The following KCTD7 variants were observed in gnomAD, a reference collection of about 807,000 sequenced individuals.
KCTD7 encodes the protein potassium channel tetramerization domain containing 7.
A neutral mutation model predicts 27.0 loss-of-function variants in KCTD7; 15 were observed. The ratio of observed to expected loss-of-function variants is 0.56; its 90% CI spans 0.37 to 0.86. The LOEUF (loss-of-function observed/expected upper bound fraction) is 0.86, where lower values mean the gene tolerates loss of function less well. KCTD7 is among the 40% of genes least tolerant of loss of function. The pLI, the probability that KCTD7 is intolerant of heterozygous loss-of-function variation, is 0.00. For missense variants in KCTD7, 299 were observed against 398.9 expected, an observed-to-expected ratio of 0.75 and a Z score of 2.13; for synonymous variants, 159 against 162.7, an observed-to-expected ratio of 0.98 and a Z score of 0.17.
At position 66,640,003 on chromosome 7, in the gene KCTD7, C is replaced by T; in HGVS notation, c.*771C>T. ...GCTGGAATGCAAATTTCAGAGGCTT[C>T]TTTTGAAGATTCCCCAAGTCAAGCA... On this transcript the variant is annotated 3_prime_UTR_variant, in exon 4 of 4. Transcript: ENST00000639828. 7.9e-7 allele frequency: 1 copy of T among 1,258,060 alleles called. No homozygotes were observed. Among genetic ancestry groups the T allele is most frequent in the Non-Finnish European group, 1.0e-6 (1 of 1,004,826 alleles). The allele number at this position is 1,258,060 out of a possible 1,614,324, so 77.9% of individuals were successfully genotyped here. A position where few individuals can be genotyped will look rare whatever the true frequency, so the allele number is the denominator to read the frequency against.
chr7:66,642,858 C>G lies in KCTD7; in HGVS notation c.*3626C>G, dbSNP rs1014023964. Reference sequence around the variant, plus strand: ...AGGGGTTGAGGGAGGTGGGAACAAACAGTGAGTATGGGAACAGGCAGTCAC... The same window carrying G: ...AGGGGTTGAGGGAGGTGGGAACAAAGAGTGAGTATGGGAACAGGCAGTCAC... On this transcript the variant is annotated 3_prime_UTR_variant, in exon 4 of 4. Coordinates refer to ENST00000639828, the MANE Select transcript of KCTD7 (RefSeq NM_153033.5). The G allele has an allele frequency of 1.2e-5, 12 of 985,240 alleles. No individual in the cohort carries two copies. The African/African-American group carries it at 1.9e-4, about 16-fold the overall frequency. 61.0% of individuals were successfully genotyped at this position (985,240 alleles called of 1,614,324 possible).
chr7:66,636,072 C>T (rs1786577907), intron 2 of KCTD7, among the ~76,000 whole-genome samples: 1 of 152,272 alleles, frequency 6.6e-6, no homozygotes, highest in Non-Finnish European at 1.5e-5. Flanking sequence ...GGCTGATGAG[C>T]TCCTGTGACC....
At position 66,638,359 on chromosome 7, in the gene KCTD7, C is replaced by CTGG. The variant is rs747385800; in HGVS notation, c.422_424dup (p.Leu141_Glu142insVal). On this transcript the variant is annotated inframe_insertion, in exon 3 of 4. Coordinates refer to ENST00000639828, the MANE Select transcript of KCTD7 (RefSeq NM_153033.5). ...TGCCATCGGGCCCCTCCTGGAGCAG[C>CTGG]TGGAGAACATGCAGCCACTGAAGGG... 29 of 1,614,240 alleles carry CTGG rather than the reference C, an allele frequency of 1.8e-5. No homozygotes were observed. The highest frequency in any genetic ancestry group is 2.5e-5 in the Non-Finnish European group (29 of 1,180,044).
chr7:66,641,017 C>A lies in KCTD7; in HGVS notation c.*1785C>A. 1.0e-6 allele frequency: 1 copy of A among 985,396 alleles called. No individual in the cohort carries two copies. The highest frequency in any genetic ancestry group is 1.2e-6 in the Non-Finnish European group (1 of 829,962). The allele number at this position is 985,396 out of a possible 1,614,324, so 61.0% of individuals were successfully genotyped here. A position where few individuals can be genotyped will look rare whatever the true frequency, so the allele number is the denominator to read the frequency against. On this transcript the variant is annotated 3_prime_UTR_variant, in exon 4 of 4. Transcript: ENST00000639828. ...CTGGACGGCAGTGATCTCCTGTTCC[C>A]TATGTGTAAACAAAGATTCCAGGGC...
intron 2 of KCTD7, among the ~76,000 whole-genome samples, chr7:66,636,047 C>T (rs1342180526): frequency 2.6e-5 from 4 of 152,216 alleles, no homozygotes; most frequent in African/African-American, 4.8e-5. Flanking sequence ...CAGGAGATGG[C>T]GACATTCTTA....
intron 1 of KCTD7, among the ~76,000 whole-genome samples, chr7:66,629,906 C>A (rs1786408960): frequency 6.6e-6 from 1 of 152,170 alleles, no homozygotes; most frequent in Non-Finnish European, 1.5e-5. Flanking sequence ...TGCTCTGGTG[C>A]ACAGGGGCTT....
chr7:66,640,835 A>T lies in KCTD7; in HGVS notation c.*1603A>T. 1 of 944,848 alleles carries T rather than the reference A, an allele frequency of 1.1e-6. No homozygotes were observed. The highest frequency in any genetic ancestry group is 1.3e-6 in the Non-Finnish European group (1 of 792,694). 58.5% of individuals were successfully genotyped at this position (944,848 alleles called of 1,614,324 possible). On this transcript the variant is annotated 3_prime_UTR_variant, in exon 4 of 4. Coordinates refer to ENST00000639828, the MANE Select transcript of KCTD7 (RefSeq NM_153033.5). ...CAGCCTGGGCAACACCATCGTAAAA[A>T]TAAATAAATAAATAAATAAATTGGG...
chr7:66,629,496 C>G (rs1786398459), intron 1 of KCTD7, among the ~76,000 whole-genome samples: 1 of 151,960 alleles, frequency 6.6e-6, no homozygotes, highest in South Asian at 2.1e-4. Context: ...CCACTTTTAC[C>G]GAAGACAGGA....
Position 66,640,390 on chromosome 7 carries a change from T to G in KCTD7, c.*1158T>G. 6.5e-7 allele frequency: 1 copy of G among 1,537,314 alleles called. No individual in the cohort carries two copies. Among genetic ancestry groups the G allele is most frequent in the South Asian group, 1.2e-5 (1 of 84,054 alleles). ...ATTTTGGTTTACTTACTCCTCTATT[T>G]CAGAAATTGAAAAAGATCCCCAAGG... On this transcript the variant is annotated 3_prime_UTR_variant, in exon 4 of 4. Transcript: ENST00000639828.
At chr7:66,638,791 G>C in intron 3 of KCTD7, 65 bp from the exon 4 acceptor site, 1 of 1,592,396 alleles carries the variant, frequency 6.3e-7, no homozygotes, top group Non-Finnish European at 8.6e-7. Context: ...CTGTTTCTCT[G>C]TGCATCTCTG....
intron 1 of KCTD7, among the ~76,000 whole-genome samples, chr7:66,631,376 T>G (rs1786437279): frequency 6.6e-6 from 1 of 152,024 alleles, no homozygotes; most frequent in South Asian, 2.1e-4. Flanking sequence ...TGAGACCAGC[T>G]TGGCCAACAT....
At chr7:66,633,072 A>G (rs1384307805) in intron 1 of KCTD7, among the ~76,000 whole-genome samples, 2 of 151,800 alleles carry the variant, frequency 1.3e-5, no homozygotes, top group Non-Finnish European at 2.9e-5. Context: ...AAAAAGAGCT[A>G]TGAGGGTTAG....
intron 3 of KCTD7, chr7:66,638,643 G>T (rs1399102029): frequency 2.6e-6 from 2 of 774,546 alleles, no homozygotes; most frequent in Admixed American, 5.3e-5. Flanking sequence ...TATTTCAGAA[G>T]GACAGCCCTC....
intron 2 of KCTD7, among the ~76,000 whole-genome samples, chr7:66,633,929 A>C (rs1379693601): frequency 1.3e-5 from 2 of 152,076 alleles, no homozygotes; most frequent in East Asian, 3.9e-4. Context: ...CAGAGGTTGC[A>C]GTGACCCGAG....
intron 2 of KCTD7, among the ~76,000 whole-genome samples, chr7:66,636,870 G>T (rs1423167605): frequency 6.6e-6 from 1 of 152,202 alleles, no homozygotes; most frequent in Non-Finnish European, 1.5e-5. Context: ...CCTGAAACCA[G>T]TTTGTTCAGA....
intron 1 of KCTD7, among the ~76,000 whole-genome samples, 176 bp from the exon 2 acceptor site, chr7:66,633,099 C>T (rs1261137027): frequency 1.3e-5 from 2 of 151,038 alleles, no homozygotes; most frequent in Admixed American, 1.3e-4. Context: ...TAGGACTTGG[C>T]AGATGATGAG....
rs1349858327 is a variant in KCTD7, at chr7:66,639,508, A to C, written c.*276A>C. ...TAGTCTTTCCTTGAGGCTGATAGCT[A>C]GGGCTTGACCAGGAAGTCCCGAGAA... On this transcript the variant is annotated 3_prime_UTR_variant, in exon 4 of 4. Transcript: ENST00000639828. 10 of 1,398,404 alleles carry C rather than the reference A, an allele frequency of 7.2e-6. No homozygotes were observed. The Admixed American group carries it at 2.9e-4, about 41-fold the overall frequency. The allele number at this position is 1,398,404 out of a possible 1,614,324, so 86.6% of individuals were successfully genotyped here.
At chr7:66,638,676 G>T in intron 3 of KCTD7, 180 bp from the exon 4 acceptor site, 1 of 819,136 alleles carries the variant, frequency 1.2e-6, no homozygotes, top group Non-Finnish European at 1.9e-6. Context: ...TCCCTTTGCT[G>T]TGGAGAACCG....
chr7:66,630,424 A>C (rs1402680221), intron 1 of KCTD7, among the ~76,000 whole-genome samples: 3 of 152,182 alleles, frequency 2.0e-5, no homozygotes, highest in Non-Finnish European at 4.4e-5. Flanking sequence ...CCATCTCTAC[A>C]AATAAAAAAT....
Sources: allele counts gnomAD v4.1 joint callset (sites outside exome capture counted in the v4.1 genomes callset), GRCh38; gene constraint gnomAD v4.1.1; transcripts MANE v1.5; gene names NCBI Gene and HGNC (gene_info 2026-07-23, HGNC 2026-07-21).